TBP: variants seen among roughly 807,000 people sequenced by gnomAD.
TBP encodes TATA-box-binding protein.
TBP carries 12 observed loss-of-function variants against 46.2 expected under a neutral mutation model. The ratio of observed to expected loss-of-function variants is 0.26; its 90% confidence interval spans 0.17 to 0.42. TBP has a LOEUF of 0.42. TBP is among the 10% of genes least tolerant of loss of function. TBP has a pLI of 1.00. For missense variants in TBP, 229 were observed against 403.1 expected (o/e 0.57, Z 3.70); for synonymous variants, 157 against 148.3 (o/e 1.06, Z -0.42).
chr6:170,570,564 G>A (rs117391470), intron 6 of TBP, among the ~76,000 whole-genome samples: 6,153 of 152,246 alleles, frequency 0.04, 155 homozygotes, highest in Middle Eastern at 0.085. Context: ...CTGGCCTGGT[G>A]GCTCACACCT....
At position 170,568,696 on chromosome 6, in the gene TBP, G is replaced by T. The variant is rs183645270; in HGVS notation, c.678-916G>T. On this transcript the variant is annotated intron_variant, in intron 5 of 7. Coordinates refer to ENST00000392092, the MANE Select transcript of TBP (RefSeq NM_003194.5). ...TCTCAATCTCCTGACCTCATGATCC[G>T]CCTGCCTCAGCCTCCCAAAGTGTTG... Among the ~76,000 whole-genome samples, 48 of 151,388 alleles carry T rather than the reference G, an allele frequency of 3.2e-4. No individual in the cohort carries two copies. The East Asian group carries it at 8.8e-3, about 28-fold the overall frequency.
intron 5 of TBP, among the ~76,000 whole-genome samples, chr6:170,569,243 TAATA>T (rs1373859309): frequency 6.6e-6 from 1 of 152,252 alleles, no homozygotes; most frequent in Non-Finnish European, 1.5e-5. Context: ...CATTGTTCAA[TAATA>T]AATCTCATCA....
intron 7 of TBP, among the ~76,000 whole-genome samples, 193 bp from the exon 8 acceptor site, chr6:170,571,993 A>T (rs116308908): frequency 6.6e-6 from 1 of 151,908 alleles, no homozygotes; most frequent in Non-Finnish European, 1.5e-5. Context: ...ATGATTTTTT[A>T]AAAGTATTGT....
At chr6:170,563,809 T>C (rs1049262426) in intron 3 of TBP, among the ~76,000 whole-genome samples, 1 of 152,236 alleles carries the variant, frequency 6.6e-6, no homozygotes, top group East Asian at 1.9e-4. Flanking sequence ...TTCAACTATA[T>C]ATACTTTCAT....
chr6:170,558,884 G>C (rs1293070540), intron 2 of TBP, among the ~76,000 whole-genome samples: 1 of 152,026 alleles, frequency 6.6e-6, no homozygotes, highest in African/African-American at 2.4e-5. Context: ...AGTGGAGACG[G>C]AGTTTCACCA....
At chr6:170,562,303 C>G (rs1779165268) in intron 3 of TBP, 70 bp downstream of exon 3, 2 of 1,467,944 alleles carry the variant, frequency 1.4e-6, no homozygotes, top group Non-Finnish European at 1.9e-6. Context: ...GCTCTGTTTT[C>G]AGATGGATCC....
intron 2 of TBP, among the ~76,000 whole-genome samples, chr6:170,558,685 CT>C (rs1307671193): frequency 7.0e-6 from 1 of 143,728 alleles, no homozygotes. Context: ...TTTTTTTTTT[CT>C]TTTTTTTTGT....
chr6:170,555,225 A>G (rs1778994284), intron 1 of TBP, among the ~76,000 whole-genome samples: 2 of 152,340 alleles, frequency 1.3e-5, no homozygotes, highest in South Asian at 4.1e-4. Context: ...GGTCCTGGAT[A>G]AATCTCTAAT....
At chr6:170,557,578 T>C (rs984349426) in intron 2 of TBP, among the ~76,000 whole-genome samples, 5 of 151,706 alleles carry the variant, frequency 3.3e-5, no homozygotes, top group African/African-American at 9.7e-5. Context: ...CTACAAAATA[T>C]ACAAAAATTA....
intron 2 of TBP, among the ~76,000 whole-genome samples, chr6:170,558,658 C>T (rs142041644): frequency 1.8e-4 from 27 of 149,912 alleles, no homozygotes; most frequent in Middle Eastern, 3.4e-3. Flanking sequence ...CATTATTATC[C>T]GTTATTGTTA....
At chr6:170,557,603 C>G (rs927288382) in intron 2 of TBP, among the ~76,000 whole-genome samples, 10 of 151,496 alleles carry the variant, frequency 6.6e-5, no homozygotes, top group African/African-American at 1.2e-4. Flanking sequence ...GGTGTTGTGG[C>G]GGGTGCCTGT....
intron 1 of TBP, among the ~76,000 whole-genome samples, chr6:170,555,060 T>G (rs1370323181): frequency 2.6e-5 from 4 of 152,206 alleles, no homozygotes; most frequent in Non-Finnish European, 5.9e-5. Context: ...AGAATTAATT[T>G]GATTGCCTCC....
chr6:170,562,069 A>C lies in TBP; in HGVS notation c.333A>C (p.Thr111=), dbSNP rs776912164. The part of the protein sequence containing the change: ...AVQQSTSQQA[T]QGTSGQAPQL... Reference sequence around the variant, plus strand: ...AGCAGTCAACGTCCCAGCAGGCAACACAGGGAACCTCAGGCCAGGCACCAC... The same window carrying C: ...AGCAGTCAACGTCCCAGCAGGCAACCCAGGGAACCTCAGGCCAGGCACCAC... The change falls in exon 3 of 8, where the codon ACA becomes ACC. Residue 111 remains threonine, a synonymous_variant. Coordinates refer to ENST00000392092, the MANE Select transcript of TBP (RefSeq NM_003194.5). 1 of 1,614,080 alleles carries C rather than the reference A, an allele frequency of 6.2e-7. No homozygotes were observed. Among genetic ancestry groups the C allele is most frequent in the Non-Finnish European group, 8.5e-7 (1 of 1,180,012 alleles).
intron 5 of TBP, among the ~76,000 whole-genome samples, chr6:170,568,858 G>C (rs1239702374): frequency 9.0e-6 from 1 of 111,246 alleles, no homozygotes; most frequent in African/African-American, 3.8e-5. Context: ...AGTCACCTAG[G>C]CTGGAGTGCA....
At chr6:170,560,565 A>G (rs752057371) in intron 2 of TBP, among the ~76,000 whole-genome samples, 8 of 152,200 alleles carry the variant, frequency 5.3e-5, no homozygotes, top group Non-Finnish European at 1.0e-4. Flanking sequence ...AAAAAGATTC[A>G]CCATTCTAGA....
chr6:170,571,650 T>A (rs762147337), intron 7 of TBP, 146 bp downstream of exon 7: 25 of 652,886 alleles, frequency 3.8e-5, no homozygotes, highest in Non-Finnish European at 6.2e-5. Context: ...ATGAGAAACG[T>A]GCCCACTAAA....
intron 4 of TBP, among the ~76,000 whole-genome samples, 185 bp downstream of exon 4, chr6:170,564,817 T>G (rs1024888142): frequency 2.7e-5 from 4 of 150,578 alleles, no homozygotes; most frequent in Non-Finnish European, 5.9e-5. Flanking sequence ...ACCTAGGAGT[T>G]CACCACCAGC....
rs71815788 is a variant in TBP, at chr6:170,561,949, G to GCAA, written c.216_218dup (p.Gln95dup). On this transcript the variant is annotated inframe_insertion, in exon 3 of 8. Coordinates refer to ENST00000392092, the MANE Select transcript of TBP (RefSeq NM_003194.5). ...AACAGCAGCAGCAGCAGCAGCAGCA[G>GCAA]CAACAGCAACAGCAGCAGCAGCAGC... 1.0e-6 allele frequency: 1 copy of GCAA among 955,124 alleles called. No homozygotes were observed. Among genetic ancestry groups the GCAA allele is most frequent in the Non-Finnish European group, 1.5e-6 (1 of 663,634 alleles). The allele number at this position is 955,124 out of a possible 1,614,324, so 59.2% of individuals were successfully genotyped here.
At chr6:170,561,676 C>T in intron 2 of TBP, 115 bp from the exon 3 acceptor site, 1 of 1,511,336 alleles carries the variant, frequency 6.6e-7, no homozygotes, top group South Asian at 1.3e-5. Context: ...TTAATAACCC[C>T]ATTATTCTCC....
Sources: allele counts gnomAD v4.1 joint callset (sites outside exome capture counted in the v4.1 genomes callset), GRCh38; gene constraint gnomAD v4.1.1; transcripts MANE v1.5; gene names NCBI Gene and HGNC (gene_info 2026-07-23, HGNC 2026-07-21).